The following FBXL18 variants were observed in gnomAD, a reference collection of about 807,000 sequenced individuals.
FBXL18 encodes F-box and leucine rich repeat protein 18, also known as F-box/LRR-repeat protein 18.
In FBXL18, 36 loss-of-function variants were observed where a neutral mutation model predicts 46.0. The observed-to-expected ratio is 0.78, with a 90% CI of 0.60 to 1.03. FBXL18 has a LOEUF of 1.03. Among genes scored for constraint, FBXL18 ranks in the 50% least tolerant of loss-of-function variants. FBXL18 has a pLI of 0.00. For missense variants in FBXL18, 977 were observed against 1,004.1 expected, an observed-to-expected ratio of 0.97 and a Z score of 0.36; for synonymous variants, 557 against 465.3, an observed-to-expected ratio of 1.20 and a Z score of -2.54.
At position 5,470,335 on chromosome 7, in the gene FBXL18, T is replaced by TCACACATC. The variant is rs545629968; in HGVS notation, c.2000+20888_2000+20895dup. On this transcript the variant is annotated intron_variant and NMD_transcript_variant, in intron 4 of 6. Coordinates refer to the FBXL18 transcript ENST00000415009. ...ACCAAGGCGTGCCCCTCCCTACCCC[T>TCACACATC]CACACATCCACCCCTCCACCCTGCC... Among the ~76,000 whole-genome samples, 37 of 150,362 alleles carry TCACACATC rather than the reference T, an allele frequency of 2.5e-4. No homozygotes were observed. In the East Asian group the frequency reaches 6.7e-3, roughly 27 times the overall value.
chr7:5,484,831 G>A (rs1235918743), intron 4 of FBXL18, among the ~76,000 whole-genome samples: 1 of 151,952 alleles, frequency 6.6e-6, no homozygotes, highest in African/African-American at 2.4e-5. Flanking sequence ...TAGAGACAGG[G>A]TGTCACCATG....
intron 4 of FBXL18, among the ~76,000 whole-genome samples, chr7:5,483,550 G>C (rs1394592313): frequency 6.6e-6 from 1 of 152,022 alleles, no homozygotes; most frequent in African/African-American, 2.4e-5. Context: ...TTCGAGACCA[G>C]CCTGACCAAC....
chr7:5,463,004 T>TATATATATATATAC (rs1221961422), intron 4 of FBXL18, among the ~76,000 whole-genome samples: 33 of 83,876 alleles, frequency 3.9e-4, no homozygotes, highest in Non-Finnish European at 7.3e-4. Context: ...ATAATATATA[T>TATATATATATATAC]ACACACACAC....
intron 4 of FBXL18, chr7:5,490,272 G>A (rs558511786): frequency 8.2e-5 from 103 of 1,255,908 alleles, no homozygotes; most frequent in East Asian, 1.5e-4. Flanking sequence ...CCGGGCGCAC[G>A]CCTCTCTCAG....
At chr7:5,504,013 A>G (rs1784331994) in intron 2 of FBXL18, among the ~76,000 whole-genome samples, 1 of 150,848 alleles carries the variant, frequency 6.6e-6, no homozygotes, top group South Asian at 2.1e-4. Flanking sequence ...GGCACTGGCT[A>G]GAGGCGCCGA....
Position 5,476,631 on chromosome 7 carries a change from A to C in FBXL18, c.*5144T>G, listed in dbSNP as rs1416253511. The C allele has an allele frequency of 6.6e-6, 1 of 151,116 alleles. No individual in the cohort carries two copies. The highest frequency in any genetic ancestry group is 1.5e-5 in the Non-Finnish European group (1 of 67,808). 9.4% of individuals were successfully genotyped at this position (151,116 alleles called of 1,614,324 possible). ...CAGGCACATGTACAATGCCCAGCTA[A>C]CTTTTTTTTTTATTTTATGTAGCGA... On this transcript the variant is annotated 3_prime_UTR_variant, in exon 5 of 5. Transcript: ENST00000382368.
chr7:5,505,272 T>C, intron 2 of FBXL18, 140 bp downstream of exon 2: 2 of 749,826 alleles, frequency 2.7e-6, no homozygotes, highest in Non-Finnish European at 4.4e-6. Flanking sequence ...CCTCAATGCA[T>C]CCTGCAGACG....
chr7:5,500,605 A>C lies in FBXL18; in HGVS notation c.1664T>G (p.Leu555Arg), dbSNP rs774863945. 1 of 1,613,392 alleles carries C rather than the reference A, an allele frequency of 6.2e-7. No homozygotes were observed. The highest frequency in any genetic ancestry group is 8.5e-7 in the Non-Finnish European group (1 of 1,179,878). Residue 555 changes from leucine to arginine, a missense_variant, in exon 3 of 5, where the codon CTG (leucine) becomes CGG (arginine). Coordinates refer to ENST00000382368, the MANE Select transcript of FBXL18 (RefSeq NM_024963.6). Reference sequence around the variant, plus strand: ...CAGGGACCGCAACTGCTGGCACTGCAGGCCGATATTGACCAGCCCGGAGCC... The same window carrying C: ...CAGGGACCGCAACTGCTGGCACTGCCGGCCGATATTGACCAGCCCGGAGCC... ...LTGSGLVNIG[L>R]QCQQLRSLSL... is the part of the protein sequence containing the mutation.
chr7:5,455,804 GGA>G lies in FBXL18; in HGVS notation c.2001-7963_2001-7962del, dbSNP rs59515469. On this transcript the variant is annotated intron_variant and NMD_transcript_variant, in intron 4 of 6. Coordinates refer to the FBXL18 transcript ENST00000415009. This position sits in a 1 kb window ranked among gnomAD's most constrained non-coding sequence, Gnocchi z 4.6. ...CACACACACCACTTCCATGGCGCCAGGAGAGAGTTTGGTCCTTCAGCAAGATC... is the reference window on the plus strand; with the variant it reads ...CACACACACCACTTCCATGGCGCCAGGAGAGTTTGGTCCTTCAGCAAGATC... Among the ~76,000 whole-genome samples the G allele has an allele frequency of 0.053, 7,789 of 148,332 alleles. 962 individuals carry two copies. In the East Asian group the frequency reaches 0.53, roughly 10 times the overall value.
At chr7:5,471,605 C>T (rs1019731890), downstream of FBXL18, among the ~76,000 whole-genome samples, 11 of 152,002 alleles carry the variant, frequency 7.2e-5, no homozygotes, top group Admixed American at 2.6e-4. Context: ...AGAGACGGGG[C>T]TTCACCGTGT....
intron 4 of FBXL18, among the ~76,000 whole-genome samples, chr7:5,463,740 T>A (rs7458752): frequency 0.02 from 583 of 28,944 alleles, 4 homozygotes; most frequent in East Asian, 0.039. Context: ...TTTTTTTTTT[T>A]TTTTTTTTTT....
intron 4 of FBXL18, among the ~76,000 whole-genome samples, chr7:5,467,211 C>T (rs1327530342): frequency 6.6e-6 from 1 of 152,054 alleles, no homozygotes; most frequent in African/African-American, 2.4e-5. Context: ...ATTAGCCAGG[C>T]GCGGTGGCGA....
intron 2 of FBXL18, among the ~76,000 whole-genome samples, chr7:5,502,235 G>A (rs548737629): frequency 1.3e-5 from 2 of 152,174 alleles, no homozygotes; most frequent in African/African-American, 4.8e-5. Flanking sequence ...GTGCAGCCAC[G>A]GTAGAAAACG....
rs561086389 is a variant in FBXL18 at position 5,511,704 on chromosome 7, C to G, written c.18+1953G>C. 2.7e-5 allele frequency among the ~76,000 whole-genome samples: 4 copies of G among 149,668 alleles called. No individual in the cohort carries two copies. The South Asian group carries it at 8.4e-4, about 32-fold the overall frequency. On this transcript the variant is annotated intron_variant, in intron 1 of 4. Transcript: ENST00000382368. Reference sequence around the variant, plus strand: ...AATGGTGTGAACCTGAGAGGTGGAGCTTGCAGTGAGCCGAGATCGCGCCAC... The same window carrying G: ...AATGGTGTGAACCTGAGAGGTGGAGGTTGCAGTGAGCCGAGATCGCGCCAC...
At chr7:5,467,708 C>T (rs913284896) in intron 4 of FBXL18, among the ~76,000 whole-genome samples, 6 of 152,112 alleles carry the variant, frequency 3.9e-5, no homozygotes, top group African/African-American at 1.4e-4. Context: ...AAAGTTCCTC[C>T]CCGTCAAAAA....
chr7:5,511,709 A>G (rs528540116), intron 1 of FBXL18, among the ~76,000 whole-genome samples: 1 of 151,414 alleles, frequency 6.6e-6, no homozygotes, highest in East Asian at 2.0e-4. Context: ...TGGAGCTTGC[A>G]GTGAGCCGAG....
chr7:5,500,632 G>A lies in FBXL18; in HGVS notation c.1637C>T (p.Thr546Met), dbSNP rs766143098. 4.0e-5 allele frequency: 64 copies of A among 1,612,780 alleles called. No homozygotes were observed. The highest frequency in any genetic ancestry group is 5.3e-5 in the Non-Finnish European group (63 of 1,179,768). The change falls in exon 3 of 5, where the codon ACG becomes ATG. Residue 546 changes from threonine to methionine, a missense_variant. Thr to Met is a moderately conservative substitution (Grantham distance 81). Coordinates refer to ENST00000382368, the MANE Select transcript of FBXL18 (RefSeq NM_024963.6). ...LTLAQLPSVL[T>M]GSGLVNIGLQ... is the part of the protein sequence containing the mutation. ...GCCGATATTGACCAGCCCGGAGCCC[G>A]TAAGGACGCTGGGCAGCTGTGCGAG...
chr7:5,481,907 T>G lies in FBXL18; in HGVS notation c.2025A>C (p.Leu675Phe). 6.2e-7 allele frequency: 1 copy of G among 1,610,702 alleles called. No homozygotes were observed. The highest frequency in any genetic ancestry group is 8.5e-7 in the Non-Finnish European group (1 of 1,178,208). Reference protein sequence around the residue: ...LRSFQAERPALNVVIFPLLHE... With the variant: ...LRSFQAERPAFNVVIFPLLHE... ...GGAGCAGAGGGAAGATGACGACGTT[T>G]AACGCGGGCCGCTCGGCCTGGAAGC... Residue 675 changes from leucine to phenylalanine, a missense_variant, in exon 5 of 5, where the codon TTA (leucine) becomes TTC (phenylalanine). Coordinates refer to ENST00000382368, the MANE Select transcript of FBXL18 (RefSeq NM_024963.6).
rs1783572559 is a variant in FBXL18, at chr7:5,478,698, A to ACGCTTG, written c.*3076_*3077insCAAGCG. The ACGCTTG allele has an allele frequency of 1.3e-5, 2 of 152,366 alleles. No homozygotes were observed. The highest frequency in any genetic ancestry group is 4.1e-4 in the South Asian group (2 of 4,858). The allele number at this position is 152,366 out of a possible 1,614,324, so 9.4% of individuals were successfully genotyped here. On this transcript the variant is annotated 3_prime_UTR_variant, in exon 5 of 5. Coordinates refer to ENST00000382368, the MANE Select transcript of FBXL18 (RefSeq NM_024963.6). ...CACACACGGAAGACGTGACTCACAC[A>ACGCTTG]CACATGCACACACAGGGCACAGGTA...
Sources: allele counts gnomAD v4.1 joint callset (sites outside exome capture counted in the v4.1 genomes callset), GRCh38; gene constraint gnomAD v4.1.1; non-coding constraint Gnocchi (gnomAD v3.1); transcripts MANE v1.5; gene names NCBI Gene and HGNC (gene_info 2026-07-23, HGNC 2026-07-21).